Variants in C1GALT1 observed in about 807,000 individuals in gnomAD.
C1GALT1 encodes glycoprotein-N-acetylgalactosamine 3-beta-galactosyltransferase 1.
Under a neutral mutation model 31.0 loss-of-function variants are expected in C1GALT1, and 11 were observed. The observed-to-expected ratio is 0.36, with a 90% CI of 0.22 to 0.59. C1GALT1 has a LOEUF of 0.59. C1GALT1 is among the 20% of genes least tolerant of loss of function. The pLI is 0.79. For synonymous variants in C1GALT1, 175 were observed against 143.6 expected (o/e 1.22, Z -1.56); for missense variants, 424 against 425.2 (o/e 1.00, Z 0.03).
At chr7:7,197,994 G>A (rs1781372633) in intron 1 of C1GALT1, among the ~76,000 whole-genome samples, 1 of 152,170 alleles carries the variant, frequency 6.6e-6, no homozygotes, top group African/African-American at 2.4e-5. Flanking sequence ...GGGACAATTT[G>A]ACTTCCTCTT....
chr7:7,238,225 A>C lies in C1GALT1; in HGVS notation c.221-30A>C, dbSNP rs1284861851. On this transcript the variant is annotated intron_variant, in intron 2 of 3. Coordinates refer to ENST00000436587, the MANE Select transcript of C1GALT1 (RefSeq NM_020156.5). The surrounding 1 kb of genome is among the most constrained non-coding windows in gnomAD (Gnocchi z 5.2). Reference sequence around the variant, plus strand: ...AATATTTGGATTTTACATCTATGTAAATAACCTTTTAAAATGTTTTGTTTA... The same window carrying C: ...AATATTTGGATTTTACATCTATGTACATAACCTTTTAAAATGTTTTGTTTA... 1.3e-6 allele frequency: 2 copies of C among 1,531,362 alleles called. No individual in the cohort carries two copies. Among genetic ancestry groups the C allele is most frequent in the African/African-American group, 2.8e-5 (2 of 71,678 alleles). 94.9% of individuals were successfully genotyped at this position (1,531,362 alleles called of 1,614,324 possible).
intron 1 of C1GALT1, among the ~76,000 whole-genome samples, chr7:7,194,640 T>TTG (rs888041497): frequency 2.6e-5 from 4 of 152,062 alleles, no homozygotes; most frequent in African/African-American, 9.7e-5. Flanking sequence ...TTTCTTTTTT[T>TTG]TTGTTATATT....
chr7:7,181,401 C>A (rs1261327749), upstream of C1GALT1, among the ~76,000 whole-genome samples: 1 of 152,170 alleles, frequency 6.6e-6, no homozygotes, highest in Non-Finnish European at 1.5e-5. Context: ...AGGATAGCTG[C>A]ACTTCTCTTC....
intron 1 of C1GALT1, chr7:7,210,387 C>T (rs767025519): frequency 6.8e-6 from 1 of 147,010 alleles, no homozygotes; most frequent in Non-Finnish European, 1.5e-5. Flanking sequence ...AATGATGAGA[C>T]CATGCATAAT....
intron 1 of C1GALT1, among the ~76,000 whole-genome samples, chr7:7,223,374 T>C (rs541599838): frequency 1.6e-4 from 24 of 152,178 alleles, no homozygotes; most frequent in African/African-American, 4.3e-4. Flanking sequence ...TGTTGGCCAG[T>C]CTGGTTTGGA....
intron 1 of C1GALT1, among the ~76,000 whole-genome samples, chr7:7,226,085 A>G (rs558918010): frequency 9.2e-5 from 14 of 152,272 alleles, no homozygotes; most frequent in African/African-American, 2.6e-4. Flanking sequence ...TCGAGTTTTC[A>G]GGTTGCTGTG....
intron 2 of C1GALT1, among the ~76,000 whole-genome samples, chr7:7,163,937 G>A (rs1217104027): frequency 6.6e-6 from 1 of 151,858 alleles, no homozygotes. Flanking sequence ...AGCTACCAAT[G>A]ACTTTCTTCA....
chr7:7,234,674 A>G (rs1783253824), intron 2 of C1GALT1, 135 bp downstream of exon 2: 1 of 645,182 alleles, frequency 1.5e-6, no homozygotes, highest in Non-Finnish European at 2.6e-6. Flanking sequence ...TTGCCTCAAG[A>G]GAAGGGAATT....
rs201453874 is a variant in C1GALT1 at position 7,245,850 on chromosome 7, C to CTGTT, written c.*2125_*2128dup. The CTGTT allele has an allele frequency of 4.2e-3, 643 of 152,308 alleles. 4 individuals are homozygous for CTGTT. The highest frequency in any genetic ancestry group is 0.014 in the African/African-American group (590 of 41,566). 9.4% of individuals were successfully genotyped at this position (152,308 alleles called of 1,614,324 possible). On this transcript the variant is annotated 3_prime_UTR_variant, in exon 4 of 4. Transcript: ENST00000436587. The stretch of plus-strand genomic sequence containing the variant: ...GTTTAAATTCTTGCTCTAACACTTA[C>CTGTT]TGTTTTTGTAACCTTGAGCAATTTT...
chr7:7,224,055 C>T (rs941743931), intron 1 of C1GALT1, among the ~76,000 whole-genome samples: 3 of 152,046 alleles, frequency 2.0e-5, no homozygotes, highest in Non-Finnish European at 2.9e-5. Context: ...TAGGATGAAT[C>T]GTGTTGATTT....
intron 1 of C1GALT1, 174 bp from the exon 2 acceptor site, chr7:7,234,129 T>C: frequency 1.7e-6 from 1 of 598,750 alleles, no homozygotes; most frequent in Non-Finnish European, 2.9e-6. Flanking sequence ...TCTGGTTTTA[T>C]GGATTTTCCA....
chr7:7,241,082 AAT>A (rs1468370173), intron 3 of C1GALT1, among the ~76,000 whole-genome samples: 7 of 122,734 alleles, frequency 5.7e-5, no homozygotes, highest in Non-Finnish European at 1.2e-4. Flanking sequence ...GTAGATTTAA[AAT>A]ATATGTGTAA....
chr7:7,213,123 T>C (rs1782081907), intron 1 of C1GALT1, among the ~76,000 whole-genome samples: 5 of 152,212 alleles, frequency 3.3e-5, no homozygotes, highest in Admixed American at 3.3e-4. Flanking sequence ...TTTGTGAGCA[T>C]GTCAGTTCTT....
At chr7:7,183,184 A>G (rs564469396) in intron 1 of C1GALT1, among the ~76,000 whole-genome samples, 56 of 149,062 alleles carry the variant, frequency 3.8e-4, no homozygotes, top group Non-Finnish European at 6.2e-4. Context: ...GGACCGGACC[A>G]CTTAGCGGTC....
At position 7,219,500 on chromosome 7, in the gene C1GALT1, C is replaced by G. The variant is rs548501209; in HGVS notation, c.-17-14803C>G. On this transcript the variant is annotated intron_variant, in intron 1 of 3. Transcript: ENST00000436587. ...TCTCAGTTTTGTTGTGAATCTAAAA[C>G]TACTCTGAAAAAAATAAAGCCTTAA... 2.6e-3 allele frequency among the ~76,000 whole-genome samples: 400 copies of G among 152,152 alleles called. 1 individual carries two copies. Among genetic ancestry groups the G allele is most frequent in the Non-Finnish European group, 4.3e-3 (292 of 67,974 alleles).
chr7:7,179,463 G>T (rs2128228064), upstream of C1GALT1, among the ~76,000 whole-genome samples: 2 of 152,258 alleles, frequency 1.3e-5, no homozygotes, highest in South Asian at 4.1e-4. Context: ...GGTATTTAAA[G>T]GGAAACTAAG....
intron 2 of C1GALT1, among the ~76,000 whole-genome samples, chr7:7,174,007 G>A (rs151007843): frequency 0.022 from 3,320 of 152,222 alleles, 117 homozygotes; most frequent in African/African-American, 0.075. Context: ...CATGACAACA[G>A]TGCTGCCAAA....
intron 1 of C1GALT1, among the ~76,000 whole-genome samples, chr7:7,204,069 T>G (rs530350825): frequency 6.6e-6 from 1 of 151,316 alleles, no homozygotes; most frequent in Admixed American, 6.6e-5. Context: ...CCTCACAGAA[T>G]AAGTCAGGAA....
intron 1 of C1GALT1, among the ~76,000 whole-genome samples, chr7:7,216,493 C>A (rs183550824): frequency 1.3e-5 from 2 of 148,780 alleles, no homozygotes; most frequent in African/African-American, 5.0e-5. Context: ...CTGGATCCCC[C>A]CTCCCCCAGC....
Sources: allele counts gnomAD v4.1 joint callset (sites outside exome capture counted in the v4.1 genomes callset), GRCh38; gene constraint gnomAD v4.1.1; non-coding constraint Gnocchi (gnomAD v3.1); transcripts MANE v1.5; gene names NCBI Gene and HGNC (gene_info 2026-07-23, HGNC 2026-07-21).